Variants in CHRM3 observed in about 807,000 individuals in gnomAD.
CHRM3 encodes the protein cholinergic receptor muscarinic 3.
A neutral mutation model predicts 41.8 loss-of-function variants in CHRM3; 11 were observed. The ratio of observed to expected loss-of-function variants is 0.26; its 90% CI spans 0.17 to 0.44. The LOEUF (loss-of-function observed/expected upper bound fraction) is 0.44, where lower values mean the gene tolerates loss of function less well. Ranked by LOEUF, CHRM3 falls within the 20% of genes least tolerant of loss-of-function variation. The pLI is 1.00. For missense variants in CHRM3, 571 were observed against 745.4 expected, an observed-to-expected ratio of 0.77 and a Z score of 2.72; for synonymous variants, 297 against 301.4, an observed-to-expected ratio of 0.99 and a Z score of 0.15.
At chr1:239,688,330 G>T (rs1659351679) in intron 5 of CHRM3, among the ~76,000 whole-genome samples, 1 of 145,972 alleles carries the variant, frequency 6.9e-6, no homozygotes, top group South Asian at 2.1e-4. Flanking sequence ...ATATTTGTGT[G>T]TGTTTGTGTG....
intron 1 of CHRM3, among the ~76,000 whole-genome samples, chr1:239,472,598 C>T (rs1319286978): frequency 6.6e-6 from 1 of 152,128 alleles, no homozygotes; most frequent in African/African-American, 2.4e-5. Flanking sequence ...AGCTAGAAGC[C>T]ATTGTCCTCA....
At chr1:239,761,681 T>TCACTCTGGCTGGTG (rs1481366533) in intron 5 of CHRM3, among the ~76,000 whole-genome samples, 1 of 152,206 alleles carries the variant, frequency 6.6e-6, no homozygotes, top group Non-Finnish European at 1.5e-5. Flanking sequence ...GGGGGCCTTT[T>TCACTCTGGCTGGTG]CACTCTGGCT....
At position 239,907,434 on chromosome 1, in the gene CHRM3, C is replaced by T. The variant is rs1251648172; in HGVS notation, c.-18C>T. On this transcript the variant is annotated splice_region_variant and 5_prime_UTR_variant, in exon 7 of 7. Transcript: ENST00000676153. This position sits in a 1 kb window ranked among gnomAD's most constrained non-coding sequence, Gnocchi z 5.4. ...CTGTCTCTTCTCTCTTTCCCCCAGA[C>T]TATGTCAGAGAGTCACAATGACCTT... 9.4e-6 allele frequency: 15 copies of T among 1,597,956 alleles called. No homozygotes were observed. In the East Asian group the frequency reaches 3.4e-4, roughly 36 times the overall value.
At chr1:239,670,504 T>C (rs925426189) in intron 4 of CHRM3, among the ~76,000 whole-genome samples, 3 of 152,074 alleles carry the variant, frequency 2.0e-5, no homozygotes, top group African/African-American at 4.8e-5. Flanking sequence ...TGATGGATAA[T>C]TGTTTTTTGG....
intron 6 of CHRM3, among the ~76,000 whole-genome samples, chr1:239,868,641 C>T (rs1676320798): frequency 1.3e-5 from 2 of 152,180 alleles, no homozygotes; most frequent in African/African-American, 4.8e-5. Context: ...TCACATCCCC[C>T]TTCAGCTCCC....
chr1:239,667,567 A>C (rs1165335404), intron 4 of CHRM3, among the ~76,000 whole-genome samples: 1 of 152,210 alleles, frequency 6.6e-6, no homozygotes, highest in Non-Finnish European at 1.5e-5. Flanking sequence ...TGTCCAAGAT[A>C]GGAAAATTTA....
At chr1:239,883,109 C>T (rs1425336487) in intron 6 of CHRM3, among the ~76,000 whole-genome samples, 1 of 152,188 alleles carries the variant, frequency 6.6e-6, no homozygotes, top group African/African-American at 2.4e-5. Context: ...TCTATTGAAA[C>T]ACACACAACA....
intron 5 of CHRM3, among the ~76,000 whole-genome samples, chr1:239,688,487 AC>A (rs1216108643): frequency 1.4e-5 from 2 of 141,108 alleles, no homozygotes; most frequent in African/African-American, 5.2e-5. Flanking sequence ...TATTCAATAT[AC>A]TATAATATAT....
At chr1:239,823,828 A>C (rs953014675) in intron 5 of CHRM3, among the ~76,000 whole-genome samples, 20 of 152,074 alleles carry the variant, frequency 1.3e-4, no homozygotes, top group Admixed American at 4.6e-4. Flanking sequence ...TTCCAAAAGG[A>C]ATTAGCAAGA....
chr1:239,542,913 T>C (rs78356401), intron 2 of CHRM3, among the ~76,000 whole-genome samples: 2,043 of 152,388 alleles, frequency 0.013, 34 homozygotes, highest in African/African-American at 0.047. Context: ...ATTATGTATG[T>C]AGCAGATTCT....
chr1:239,804,981 T>G (rs1670516245), intron 5 of CHRM3, among the ~76,000 whole-genome samples: 1 of 152,344 alleles, frequency 6.6e-6, no homozygotes, highest in South Asian at 2.1e-4. Context: ...CATTTCCATC[T>G]CCTGTTCTTC....
intron 1 of CHRM3, among the ~76,000 whole-genome samples, chr1:239,434,691 C>T (rs1663095539): frequency 6.6e-6 from 1 of 151,784 alleles, no homozygotes; most frequent in Non-Finnish European, 1.5e-5. Context: ...CATCAATGAG[C>T]AAAACAGACA....
intron 6 of CHRM3, among the ~76,000 whole-genome samples, chr1:239,849,675 T>C (rs138202287): frequency 1.9e-4 from 29 of 152,304 alleles, no homozygotes; most frequent in African/African-American, 6.3e-4. Flanking sequence ...GATTTGACCA[T>C]AGACGCTCCT....
intron 3 of CHRM3, among the ~76,000 whole-genome samples, chr1:239,582,428 A>G (rs1662984895): frequency 6.6e-6 from 1 of 152,076 alleles, no homozygotes; most frequent in Non-Finnish European, 1.5e-5. Context: ...AAAACTGTGC[A>G]CTCAGGGGTT....
chr1:239,543,436 C>G (rs1337128821), intron 2 of CHRM3, among the ~76,000 whole-genome samples: 1 of 152,158 alleles, frequency 6.6e-6, no homozygotes, highest in African/African-American at 2.4e-5. Flanking sequence ...TAAAGCACCC[C>G]TCTTCCTGTC....
chr1:239,829,211 C>G (rs558586685), intron 6 of CHRM3, among the ~76,000 whole-genome samples: 1 of 152,128 alleles, frequency 6.6e-6, no homozygotes, highest in Non-Finnish European at 1.5e-5. Flanking sequence ...CTAATTCCAA[C>G]AGTGGGAATT....
At chr1:239,688,562 A>C (rs1253108354) in intron 5 of CHRM3, among the ~76,000 whole-genome samples, 2 of 136,200 alleles carry the variant, frequency 1.5e-5, no homozygotes, top group Admixed American at 1.7e-4. Context: ...TATAACATAT[A>C]TTATATGATA....
chr1:239,698,813 C>T (rs185934950), intron 5 of CHRM3, among the ~76,000 whole-genome samples: 191 of 152,246 alleles, frequency 1.3e-3, no homozygotes, highest in South Asian at 3.7e-3. Context: ...TCCACATGAC[C>T]AGGATCTGCA....
chr1:239,428,945 ATCT>A lies in CHRM3; in HGVS notation c.-521+41723_-521+41725del, dbSNP rs1572265066. On this transcript the variant is annotated intron_variant, in intron 1 of 6. Coordinates refer to ENST00000676153, the MANE Select transcript of CHRM3 (RefSeq NM_001375978.1). ...GAGCCTGTGCAGAAGATGCAAGGTG[ATCT>A]TCTTAGCTGTTTCTGAGTATTTATG... is the stretch of plus-strand genomic sequence containing the variant. Among the ~76,000 whole-genome samples the A allele has an allele frequency of 2.6e-5, 4 of 152,276 alleles. No individual in the cohort carries two copies. In the South Asian group the frequency reaches 6.2e-4, roughly 24 times the overall value.
Sources: gnomAD v4.1 joint callset for allele counts (sites outside exome capture counted in the v4.1 genomes callset) on GRCh38, gnomAD v4.1.1 for gene constraint, Gnocchi (gnomAD v3.1) non-coding constraint, MANE v1.5 for transcripts, NCBI Gene and HGNC (gene_info 2026-07-23, HGNC 2026-07-21) for gene names.